CD40LG: variants seen among roughly 807,000 people sequenced by gnomAD.
CD40LG encodes the protein CD40 ligand.
A neutral mutation model predicts 17.2 loss-of-function variants in CD40LG; 1 was observed. That is an observed-to-expected ratio of 0.06 (90% CI 0.02 to 0.28). CD40LG has a LOEUF of 0.28. CD40LG is among the 10% of genes least tolerant of loss of function. The probability of loss-of-function intolerance (pLI) is 1.00; values close to 1 mark genes in which losing one functional copy is unlikely to be tolerated. For synonymous variants in CD40LG, 66 were observed against 74.4 expected, an observed-to-expected ratio of 0.89 and a Z score of 0.58; for missense variants, 133 against 193.2, an observed-to-expected ratio of 0.69 and a Z score of 1.85.
chrX:136,655,027 C>A (rs2076115050), intron 3 of CD40LG, among the ~76,000 whole-genome samples: 4 of 111,410 alleles, frequency 3.6e-5, no homozygotes, highest in Admixed American at 1.9e-4. Context: ...CACCTTCCAC[C>A]TCATAAGGCA....
At chrX:136,655,566 G>C (rs2076116745) in intron 3 of CD40LG, among the ~76,000 whole-genome samples, 1 of 111,716 alleles carries the variant, frequency 9.0e-6, no homozygotes, top group Non-Finnish European at 1.9e-5. Context: ...TATTTTCTGA[G>C]GCAAAGAGAG....
intron 2 of CD40LG, 151 bp from the exon 3 acceptor site, chrX:136,654,222 T>C (rs1427331730): frequency 4.0e-6 from 2 of 505,514 alleles, no homozygotes; most frequent in Non-Finnish European, 7.1e-6. Context: ...CCAATTGGCA[T>C]GATGGAATTA....
chrX:136,650,440 T>C, intron 2 of CD40LG, 43 bp downstream of exon 2: 2 of 1,158,763 alleles, frequency 1.7e-6, no homozygotes, highest in Non-Finnish European at 2.4e-6. Flanking sequence ...TGAAATATTT[T>C]ACTACATTTG....
rs1050153013 is a variant in CD40LG, at chrX:136,659,232, C to T, written c.603C>T (p.Phe201=). The T allele has an allele frequency of 1.7e-6, 2 of 1,211,235 alleles. No individual in the cohort carries two copies. The highest frequency in any genetic ancestry group is 1.1e-6 in the Non-Finnish European group (1 of 894,893). Residue 201 remains phenylalanine, a synonymous_variant, in exon 5 of 5, where the codon TTC becomes TTT. Transcript: ENST00000370629. ...ASLCLKSPGR[F]ERILLRAANT... ...TCTGCCTAAAGTCCCCCGGTAGATT[C>T]GAGAGAATCTTACTCAGAGCTGCAA...
rs1281756558 is a variant in CD40LG at position 136,655,262 on chromosome X, T to C, written c.346+832T>C. ...GGCCAAGCCTTGACTGAGCTTTTTCTTCTCCAGGCTAAAGATCCCTGATGT... is the reference window on the plus strand; with the variant it reads ...GGCCAAGCCTTGACTGAGCTTTTTCCTCTCCAGGCTAAAGATCCCTGATGT... On this transcript the variant is annotated intron_variant, in intron 3 of 4. Coordinates refer to ENST00000370629, the MANE Select transcript of CD40LG (RefSeq NM_000074.3). 4.5e-5 allele frequency among the ~76,000 whole-genome samples: 5 copies of C among 111,634 alleles called. No homozygotes were observed. The Admixed American group carries it at 4.8e-4, about 11-fold the overall frequency.
intron 3 of CD40LG, 40 bp downstream of exon 3, chrX:136,654,470 A>T: frequency 1.0e-6 from 1 of 987,352 alleles, no homozygotes; most frequent in Non-Finnish European, 1.4e-6. Context: ...ATGCCTAAAA[A>T]CTAAAAGGAA....
chrX:136,656,586 C>T (rs890177169), intron 4 of CD40LG, among the ~76,000 whole-genome samples, 168 bp downstream of exon 4: 3 of 112,233 alleles, frequency 2.7e-5, no homozygotes, highest in Non-Finnish European at 5.6e-5. Flanking sequence ...TTCAAATGCA[C>T]AGATGGGACT....
In CD40LG at chrX:136,660,104, T is replaced by C. The variant is rs1603322120; in HGVS notation, c.*689T>C. Reference sequence around the variant, plus strand: ...AGTCTCTCTTCTCAATCCCCCTTTCTAACACACACACACACACACACACAC... The same window carrying C: ...AGTCTCTCTTCTCAATCCCCCTTTCCAACACACACACACACACACACACAC... On this transcript the variant is annotated 3_prime_UTR_variant, in exon 5 of 5. Coordinates refer to ENST00000370629, the MANE Select transcript of CD40LG (RefSeq NM_000074.3). 2.0e-5 allele frequency: 1 copy of C among 49,495 alleles called. No homozygotes were observed. The highest frequency in any genetic ancestry group is 1.0e-4 in the African/African-American group (1 of 9,705). The allele number at this position is 49,495 out of a possible 1,213,427, so 4.1% of individuals were successfully genotyped here.
chrX:136,654,946 C>T (rs1434947525), intron 3 of CD40LG, among the ~76,000 whole-genome samples: 2 of 111,054 alleles, frequency 1.8e-5, no homozygotes, highest in African/African-American at 6.6e-5. Context: ...CAGCACCATC[C>T]CCACAACAAA....
intron 1 of CD40LG, 32 bp from the exon 2 acceptor site, chrX:136,650,234 A>G: frequency 9.0e-7 from 1 of 1,107,822 alleles, no homozygotes; most frequent in South Asian, 1.8e-5. Flanking sequence ...CTTCCGAATG[A>G]CATTTATCAT....
chrX:136,658,874 G>A (rs2076126144), intron 4 of CD40LG, among the ~76,000 whole-genome samples, 165 bp from the exon 5 acceptor site: 1 of 111,775 alleles, frequency 8.9e-6, no homozygotes, highest in Non-Finnish European at 1.9e-5. Context: ...CTTAAATAGA[G>A]CCTAGATTGG....
At position 136,650,573 on chromosome X, in the gene CD40LG, TA is replaced by T. The variant is rs80103261; in HGVS notation, c.288+188del. On this transcript the variant is annotated intron_variant, in intron 2 of 4. Transcript: ENST00000370629. ...CATACATGGGTGTGTGTGTGGGGGTTAAAAAAAAAAAACACAAAGACACTCT... is the reference window on the plus strand; with the variant it reads ...CATACATGGGTGTGTGTGTGGGGGTTAAAAAAAAAAACACAAAGACACTCT... 7.4e-3 allele frequency among the ~76,000 whole-genome samples: 736 copies of T among 99,714 alleles called. 6 individuals are homozygous for T. Among genetic ancestry groups the T allele is most frequent in the East Asian group, 0.017 (54 of 3,245 alleles). 86.6% of individuals were successfully genotyped at this position (99,714 alleles called of 115,157 possible). A position where few individuals can be genotyped will look rare whatever the true frequency, so the allele number is the denominator to read the frequency against.
intron 2 of CD40LG, 77 bp downstream of exon 2, chrX:136,650,474 C>A: frequency 1.1e-6 from 1 of 944,898 alleles, no homozygotes; most frequent in Non-Finnish European, 1.5e-6. Context: ...CTGACAATGC[C>A]AATGTTTAAA....
chrX:136,656,283 T>C, intron 3 of CD40LG, 73 bp from the exon 4 acceptor site: 1 of 770,124 alleles, frequency 1.3e-6, no homozygotes, highest in Non-Finnish European at 2.0e-6. Context: ...TACACAGTTG[T>C]AGAACTGGAC....
intron 2 of CD40LG, among the ~76,000 whole-genome samples, 157 bp from the exon 3 acceptor site, chrX:136,654,216 T>C (rs900808945): frequency 5.4e-5 from 6 of 111,517 alleles, no homozygotes; most frequent in East Asian, 2.8e-4. Context: ...GGACTCCCAA[T>C]TGGCATGATG....
At position 136,654,411 on chromosome X, in the gene CD40LG, C is replaced by A. The variant is rs1318466267; in HGVS notation, c.327C>A (p.Asn109Lys). Reference protein sequence around the residue: ...MLNKEETKKENSFEMQKGDQN... With the variant: ...MLNKEETKKEKSFEMQKGDQN... ...ACAAAGAGGAGACGAAGAAAGAAAA[C>A]AGCTTTGAAATGCAAAAAGGTAGGT... Residue 109 changes from asparagine to lysine, a missense_variant, in exon 3 of 5, where the codon AAC becomes AAA. Coordinates refer to ENST00000370629, the MANE Select transcript of CD40LG (RefSeq NM_000074.3). The A allele has an allele frequency of 1.3e-5, 15 of 1,197,675 alleles. No individual in the cohort carries two copies. The highest frequency in any genetic ancestry group is 1.8e-5 in the South Asian group (1 of 56,527).
intron 2 of CD40LG, among the ~76,000 whole-genome samples, chrX:136,652,706 AT>A (rs1415953575): frequency 1.8e-5 from 2 of 111,407 alleles, no homozygotes; most frequent in African/African-American, 6.5e-5. Context: ...ATTATTTTGA[AT>A]AGTATAATTT....
intron 2 of CD40LG, among the ~76,000 whole-genome samples, chrX:136,650,675 T>A (rs1330471733): frequency 9.0e-6 from 1 of 110,630 alleles, no homozygotes; most frequent in Admixed American, 9.6e-5. Flanking sequence ...CTAGGCAAAA[T>A]GATGAAGTCC....
At chrX:136,652,756 G>T (rs1024339027) in intron 2 of CD40LG, among the ~76,000 whole-genome samples, 6 of 111,504 alleles carry the variant, frequency 5.4e-5, no homozygotes, top group Non-Finnish European at 1.1e-4. Context: ...TCTGCTAGAT[G>T]TTCAGTTCCA....
Sources: gnomAD v4.1 joint callset for allele counts (sites outside exome capture counted in the v4.1 genomes callset) on GRCh38, gnomAD v4.1.1 for gene constraint, MANE v1.5 for transcripts, NCBI Gene and HGNC (gene_info 2026-07-23, HGNC 2026-07-21) for gene names.